Variants in BANK1 observed in about 807,000 individuals in gnomAD.
The protein encoded by BANK1 is B-cell scaffold protein with ankyrin repeats.
Under a neutral mutation model 94.5 loss-of-function variants are expected in BANK1, and 95 were observed. The ratio of observed to expected loss-of-function variants is 1.00; its 90% CI spans 0.85 to 1.19. The LOEUF is 1.19. Among genes scored for constraint, BANK1 ranks in the 50% most tolerant of loss-of-function variants. The probability of loss-of-function intolerance (pLI) is 0.00; values close to 1 mark genes in which losing one functional copy is unlikely to be tolerated. For synonymous variants in BANK1, 334 were observed against 308.4 expected (o/e 1.08, Z -0.87); for missense variants, 987 against 932.2 (o/e 1.06, Z -0.77).
chr4:101,935,580 T>G (rs1026723111), intron 7 of BANK1, among the ~76,000 whole-genome samples: 4 of 151,606 alleles, frequency 2.6e-5, no homozygotes, highest in African/African-American at 9.7e-5. Flanking sequence ...ACATTTATTA[T>G]TTAATTTATC....
intron 6 of BANK1, among the ~76,000 whole-genome samples, chr4:101,904,720 T>C (rs28882456): frequency 6.6e-6 from 1 of 152,166 alleles, no homozygotes; most frequent in African/African-American, 2.4e-5. Context: ...CCCCATAAAT[T>C]TATAGGTACA....
At chr4:101,968,081 A>G (rs1477123988) in intron 7 of BANK1, among the ~76,000 whole-genome samples, 1 of 152,034 alleles carries the variant, frequency 6.6e-6, no homozygotes, top group Non-Finnish European at 1.5e-5. Flanking sequence ...ATGATTTCTT[A>G]TCCATGGAAG....
At chr4:101,802,600 T>C (rs953353797) in intron 1 of BANK1, among the ~76,000 whole-genome samples, 2 of 152,232 alleles carry the variant, frequency 1.3e-5, no homozygotes, top group African/African-American at 2.4e-5. Flanking sequence ...TGTGTTTGTA[T>C]GTAGTAATGA....
chr4:102,053,243 A>G (rs550917540), intron 11 of BANK1, among the ~76,000 whole-genome samples: 82 of 152,288 alleles, frequency 5.4e-4, no homozygotes, highest in African/African-American at 1.8e-3. Context: ...AGAAGTGGGA[A>G]GCTGGAGGAT....
In BANK1 at chr4:101,855,152, C is replaced by G; in HGVS notation, c.587C>G (p.Pro196Arg). The G allele has an allele frequency of 6.2e-7, 1 of 1,613,430 alleles. No homozygotes were observed. The highest frequency in any genetic ancestry group is 1.3e-5 in the African/African-American group (1 of 74,994). Residue 196 changes from proline (P) to arginine (R), a missense_variant, in exon 3 of 17, where the codon CCA (proline) becomes CGA (arginine). Coordinates refer to ENST00000322953, the MANE Select transcript of BANK1 (RefSeq NM_017935.5). ...TCAGAAGCTTCAAGAAACACCATAC[C>G]ACTAGCAGTGGTGCTTCCCACTGAA... ...ELSEASRNTI[P>R]LAVVLPTEIP...
At chr4:101,794,181 G>A (rs1001865256) in intron 1 of BANK1, among the ~76,000 whole-genome samples, 5 of 151,968 alleles carry the variant, frequency 3.3e-5, no homozygotes, top group Non-Finnish European at 7.4e-5. Flanking sequence ...AAATGAGAGC[G>A]TGCTCTGTTT....
Position 101,918,039 on chromosome 4 carries a change from A to C in BANK1, c.1056A>C (p.Lys352Asn). Reference sequence around the variant, plus strand: ...CAACTCTTCTCCACTGTGCAGCAAAATTTGGCTTAAAGAACCTGGCTATTC... The same window carrying C: ...CAACTCTTCTCCACTGTGCAGCAAACTTTGGCTTAAAGAACCTGGCTATTC... ...ELPTLLHCAA[K>N]FGLKNLAIHL... The change falls in exon 7 of 17, where the codon AAA becomes AAC. Residue 352 changes from lysine to asparagine, a missense_variant. By Grantham distance (94) the Lys-to-Asn change is moderately conservative. Transcript: ENST00000322953. 6.2e-7 allele frequency: 1 copy of C among 1,611,576 alleles called. No individual in the cohort carries two copies. Among genetic ancestry groups the C allele is most frequent in the South Asian group, 1.1e-5 (1 of 90,878 alleles).
chr4:101,886,714 C>T (rs1349470493), intron 5 of BANK1, among the ~76,000 whole-genome samples: 1 of 145,184 alleles, frequency 6.9e-6, no homozygotes. Context: ...CAAGTTTGCT[C>T]AAGTTAAAAC....
intron 11 of BANK1, 127 bp downstream of exon 11, chr4:102,044,034 T>C: frequency 1.9e-6 from 1 of 526,146 alleles, no homozygotes; most frequent in Non-Finnish European, 3.4e-6. Context: ...TTACTCTTTT[T>C]TTTATTATTA....
intron 7 of BANK1, among the ~76,000 whole-genome samples, chr4:101,977,947 T>TTTTGTTTG (rs147236980): frequency 4.7e-5 from 7 of 150,132 alleles, no homozygotes; most frequent in Non-Finnish European, 1.0e-4. Flanking sequence ...AATTTAGGGG[T>TTTTGTTTG]TTTGTTTGTT....
chr4:101,921,672 A>C (rs1459091451), intron 7 of BANK1, among the ~76,000 whole-genome samples: 4 of 151,976 alleles, frequency 2.6e-5, no homozygotes, highest in African/African-American at 9.7e-5. Context: ...CTCGTTGGCC[A>C]GCTATGGAAT....
intron 5 of BANK1, among the ~76,000 whole-genome samples, chr4:101,879,709 G>A (rs1472530361): frequency 6.6e-6 from 1 of 151,900 alleles, no homozygotes; most frequent in Non-Finnish European, 1.5e-5. Context: ...CTAGCAAACT[G>A]AATTCAGCAA....
At chr4:101,889,455 G>A (rs892773257) in intron 5 of BANK1, among the ~76,000 whole-genome samples, 5 of 151,256 alleles carry the variant, frequency 3.3e-5, no homozygotes, top group East Asian at 1.9e-4. Flanking sequence ...AAAATTAGCC[G>A]GGCGCGGTGG....
At chr4:101,876,419 G>C (rs1728492781) in intron 5 of BANK1, among the ~76,000 whole-genome samples, 1 of 152,206 alleles carries the variant, frequency 6.6e-6, no homozygotes, top group South Asian at 2.1e-4. Flanking sequence ...TGGTAATCCA[G>C]AGAATTCTTC....
At chr4:101,849,607 T>G (rs1186835907) in intron 2 of BANK1, among the ~76,000 whole-genome samples, 1 of 152,156 alleles carries the variant, frequency 6.6e-6, no homozygotes, top group Non-Finnish European at 1.5e-5. Flanking sequence ...TTGTATGTAT[T>G]AACACATACT....
chr4:101,965,081 C>A (rs545482382), intron 7 of BANK1, among the ~76,000 whole-genome samples: 1 of 151,538 alleles, frequency 6.6e-6, no homozygotes, highest in Non-Finnish European at 1.5e-5. Flanking sequence ...CATGTCCCTA[C>A]AAAGGACATG....
intron 1 of BANK1, among the ~76,000 whole-genome samples, chr4:101,822,540 T>C (rs934147395): frequency 3.3e-5 from 5 of 152,178 alleles, no homozygotes; most frequent in Admixed American, 1.3e-4. Flanking sequence ...CATTATAGTT[T>C]TTTGATCACA....
In BANK1 at chr4:101,918,089, C is replaced by T; in HGVS notation, c.1106C>T (p.Thr369Ile). Residue 369 changes from threonine to isoleucine, a missense_variant, in exon 7 of 17, where the codon ACC becomes ATC. By Grantham distance (89) the Thr-to-Ile change is moderately conservative (BLOSUM62 -1). Transcript: ENST00000322953. The part of the protein sequence containing the change: ...AIHLLQCSGA[T>I]WASKMKNMEG... ...CATTTGCTTCAATGTTCAGGAGCAA[C>T]CTGGGCATCTAAGATGAAAAATATG... 3.1e-6 allele frequency: 5 copies of T among 1,612,006 alleles called. No homozygotes were observed. The highest frequency in any genetic ancestry group is 4.2e-6 in the Non-Finnish European group (5 of 1,178,728).
intron 7 of BANK1, among the ~76,000 whole-genome samples, chr4:101,940,298 T>C (rs1723700132): frequency 6.6e-6 from 1 of 151,618 alleles, no homozygotes; most frequent in Non-Finnish European, 1.5e-5. Context: ...AAAATCAACT[T>C]AGTATTTTAG....
Sources: gnomAD v4.1 joint callset for allele counts (sites outside exome capture counted in the v4.1 genomes callset) on GRCh38, gnomAD v4.1.1 for gene constraint, MANE v1.5 for transcripts, NCBI Gene and HGNC (gene_info 2026-07-23, HGNC 2026-07-21) for gene names.